RTN1: variants seen among roughly 807,000 people sequenced by gnomAD.
The protein encoded by RTN1 is reticulon-1.
In RTN1, 25 loss-of-function variants were observed where a neutral mutation model predicts 65.5. That is an observed-to-expected ratio of 0.38 (90% CI 0.28 to 0.53). The LOEUF is 0.53. RTN1 is among the 20% of genes least tolerant of loss of function. The pLI is 0.79. For synonymous variants in RTN1, 471 were observed against 447.6 expected, an observed-to-expected ratio of 1.05 and a Z score of -0.66; for missense variants, 983 against 1,025.4, an observed-to-expected ratio of 0.96 and a Z score of 0.57.
chr14:59,597,366 T>C (rs967010352), intron 8 of RTN1, among the ~76,000 whole-genome samples: 2 of 152,252 alleles, frequency 1.3e-5, no homozygotes, highest in African/African-American at 2.4e-5. Context: ...TAAATACTCA[T>C]TAAAATGTGG....
rs1885201777 is a variant in RTN1, at chr14:59,745,715, A to G, written c.1008T>C (p.Ser336=). Residue 336 remains serine (S), a synonymous_variant, in exon 2 of 9, where the codon TCT becomes TCC. Transcript: ENST00000267484. ...CAATAACAGGGCCTTTACCTGTTCC[A>G]GAAGATGGAGGGGTGATAGATCCTG... ...DSPGSITPPS[S]GTEPSAAESQ... The G allele has an allele frequency of 6.2e-7, 1 of 1,600,082 alleles. No homozygotes were observed. The highest frequency in any genetic ancestry group is 8.5e-7 in the Non-Finnish European group (1 of 1,174,982).
intron 1 of RTN1, among the ~76,000 whole-genome samples, chr14:59,748,688 G>C (rs1885281728): frequency 6.6e-6 from 1 of 152,010 alleles, no homozygotes; most frequent in Non-Finnish European, 1.5e-5. Context: ...AGCTCCATAA[G>C]GGCAGGAATT....
intron 3 of RTN1, among the ~76,000 whole-genome samples, chr14:59,682,401 C>A (rs1594675810): frequency 6.6e-6 from 1 of 152,306 alleles, no homozygotes; most frequent in Non-Finnish European, 1.5e-5. Context: ...GGTAGATAGA[C>A]TACTTCTGCC....
chr14:59,819,407 CA>C (rs1566737399), intron 1 of RTN1, among the ~76,000 whole-genome samples: 7 of 17,382 alleles, frequency 4.0e-4, no homozygotes, highest in South Asian at 2.6e-3. Flanking sequence ...GCATCCACAC[CA>C]CCACCACCCC....
At chr14:59,621,380 T>A (rs1469146382) in intron 3 of RTN1, among the ~76,000 whole-genome samples, 1 of 152,160 alleles carries the variant, frequency 6.6e-6, no homozygotes, top group African/African-American at 2.4e-5. Flanking sequence ...GCTTTGCCAG[T>A]TGTAAAAATT....
intron 3 of RTN1, among the ~76,000 whole-genome samples, chr14:59,625,636 T>A (rs991335870): frequency 6.6e-6 from 1 of 152,212 alleles, no homozygotes; most frequent in Non-Finnish European, 1.5e-5. Context: ...TAGATAATAT[T>A]CAGCAAATCT....
At chr14:59,752,599 G>A (rs1046573371) in intron 1 of RTN1, among the ~76,000 whole-genome samples, 1 of 151,956 alleles carries the variant, frequency 6.6e-6, no homozygotes, top group African/African-American at 2.4e-5. Flanking sequence ...AATTTATACT[G>A]CTCATGTAGC....
chr14:59,673,735 G>A (rs1164483033), intron 3 of RTN1, among the ~76,000 whole-genome samples: 3 of 152,196 alleles, frequency 2.0e-5, no homozygotes, highest in East Asian at 1.9e-4. Flanking sequence ...AGAGGTCCTC[G>A]CTCCAGTCGT....
intron 8 of RTN1, among the ~76,000 whole-genome samples, chr14:59,599,004 G>A (rs1449098609): frequency 6.6e-6 from 1 of 152,134 alleles, no homozygotes; most frequent in African/African-American, 2.4e-5. Context: ...GATATGGGAT[G>A]GCCAATATGG....
chr14:59,609,926 G>A (rs559080715), intron 3 of RTN1, among the ~76,000 whole-genome samples: 7 of 152,270 alleles, frequency 4.6e-5, no homozygotes, highest in South Asian at 2.1e-4. Context: ...TATGATGCTC[G>A]TACATATTTG....
chr14:59,721,868 T>C (rs1270102410), intron 3 of RTN1, among the ~76,000 whole-genome samples: 1 of 152,234 alleles, frequency 6.6e-6, no homozygotes, highest in African/African-American at 2.4e-5. Context: ...AATGAGTCTT[T>C]ACTTGGATCC....
Position 59,601,278 on chromosome 14 carries a change from T to C in RTN1, c.2288+1787A>G, listed in dbSNP as rs892337130. Among the ~76,000 whole-genome samples, 7 of 152,308 alleles carry C rather than the reference T, an allele frequency of 4.6e-5. No homozygotes were observed. The East Asian group carries it at 1.2e-3, about 25-fold the overall frequency. ...TCTTGCAACGTCTTTCCCCTTATCA[T>C]CCACGTGATGACTGTTTACCCATCC... On this transcript the variant is annotated intron_variant, in intron 8 of 8. Transcript: ENST00000267484.
chr14:59,623,183 G>A (rs1282549275), intron 3 of RTN1, among the ~76,000 whole-genome samples: 6 of 152,210 alleles, frequency 3.9e-5, no homozygotes, highest in South Asian at 2.1e-4. Flanking sequence ...ACTCCTCCTC[G>A]GGCTGGACTG....
At chr14:59,750,086 CATAT>C (rs1315981127) in intron 1 of RTN1, among the ~76,000 whole-genome samples, 1 of 70,780 alleles carries the variant, frequency 1.4e-5, no homozygotes, top group Non-Finnish European at 2.3e-5. Flanking sequence ...ATATTATAGA[CATAT>C]ATATTATATA....
rs543696723 is a variant in RTN1 at position 59,826,786 on chromosome 14, T to C, written c.241+43604A>G. 9.2e-5 allele frequency among the ~76,000 whole-genome samples: 14 copies of C among 152,192 alleles called. No homozygotes were observed. In the South Asian group the frequency reaches 2.5e-3, roughly 27 times the overall value. On this transcript the variant is annotated intron_variant, in intron 1 of 8. Coordinates refer to ENST00000267484, the MANE Select transcript of RTN1 (RefSeq NM_021136.3). ...CTCTATATCAGTCTCTAGGATATCA[T>C]GGAAAAAAGACAGGGCCCTGCTTTC...
rs149008295 is a variant in RTN1 at position 59,746,427 on chromosome 14, T to C, written c.296A>G (p.Asp99Gly). Residue 99 changes from aspartate (D) to glycine (G), a missense_variant, in exon 2 of 9, where the codon GAT (aspartate) becomes GGT (glycine). Asp to Gly is a moderately conservative substitution (Grantham distance 94, BLOSUM62 -1). Around this residue, in one of 2 missense-constraint regions of RTN1, gnomAD observed 818 missense variants for 801.8 expected, o/e 1.02. Coordinates refer to ENST00000267484, the MANE Select transcript of RTN1 (RefSeq NM_021136.3). ...AGATGTGTAACACGATCCTTCCCCA[T>C]CTTTTGATGTTGTTGAGAAGGTGTG... is the stretch of plus-strand genomic sequence containing the variant. ...MDHTFSTTSK[D>G]GEGSCYTSLI... 29 of 1,611,782 alleles carry C rather than the reference T, an allele frequency of 1.8e-5. No homozygotes were observed. The African/African-American group carries it at 3.2e-4, about 18-fold the overall frequency.
chr14:59,603,000 C>G, intron 8 of RTN1, 65 bp downstream of exon 8: 1 of 1,310,600 alleles, frequency 7.6e-7, no homozygotes. Flanking sequence ...TTACCCCTAT[C>G]CTAATCCACT....
In RTN1 at chr14:59,815,043, T is replaced by G. The variant is rs554011201; in HGVS notation, c.241+55347A>C. On this transcript the variant is annotated intron_variant, in intron 1 of 8. Transcript: ENST00000267484. ...ATATTGCTCAAGACTCACAGTCTTG[T>G]GCATTATTCATTTACTCCAAACAGG... Among the ~76,000 whole-genome samples the G allele has an allele frequency of 3.2e-4, 49 of 152,338 alleles. No individual in the cohort carries two copies. The South Asian group carries it at 0.01, about 32-fold the overall frequency.
rs1388870782 is a variant in RTN1 at position 59,749,368 on chromosome 14, A to C, written c.242-2887T>G. On this transcript the variant is annotated intron_variant, in intron 1 of 8. Coordinates refer to ENST00000267484, the MANE Select transcript of RTN1 (RefSeq NM_021136.3). Reference sequence around the variant, plus strand: ...TATATCTATATATATCTATATATATATCTATATATCTATATCTATATATAT... The same window carrying C: ...TATATCTATATATATCTATATATATCTCTATATATCTATATCTATATATAT... Among the ~76,000 whole-genome samples the C allele has an allele frequency of 1.9e-4, 11 of 56,568 alleles. 1 individual carries two copies. The highest frequency in any genetic ancestry group is 3.8e-4 in the African/African-American group (3 of 7,910). 37.1% of individuals were successfully genotyped at this position (56,568 alleles called of 152,430 possible).
Sources: allele counts gnomAD v4.1 joint callset (sites outside exome capture counted in the v4.1 genomes callset), GRCh38; gene constraint gnomAD v4.1.1; regional missense constraint gnomAD v4.1.1; transcripts MANE v1.5; gene names NCBI Gene and HGNC (gene_info 2026-07-23, HGNC 2026-07-21).